DNLZ: variants seen among roughly 807,000 people sequenced by gnomAD.
The protein encoded by DNLZ is DNL-type zinc finger.
A neutral mutation model predicts 7.8 loss-of-function variants in DNLZ; 15 were observed. The ratio of observed to expected loss-of-function variants is 1.91; its 90% CI spans 1.28 to 2.95. The LOEUF (loss-of-function observed/expected upper bound fraction) is 2.95. Among genes scored for constraint, DNLZ ranks in the 30% most tolerant of loss-of-function variants. DNLZ has a pLI of 0.00. For missense variants in DNLZ, 255 were observed against 167.3 expected (o/e 1.52, Z -2.89); for synonymous variants, 123 against 77.8 (o/e 1.58, Z -3.05).
Position 136,361,938 on chromosome 9 carries a change from C to T in DNLZ, c.*74G>A, listed in dbSNP as rs1412427308. ...GTCTGTTTATTGATAGAAAACAGGC[C>T]ACGTCCAGAGAGGCCCAGGGCCAAA... On this transcript the variant is annotated 3_prime_UTR_variant, in exon 3 of 3. Coordinates refer to ENST00000371738, the MANE Select transcript of DNLZ (RefSeq NM_001080849.3). The T allele has an allele frequency of 4.5e-6, 5 of 1,113,438 alleles. No homozygotes were observed. The East Asian group carries it at 9.6e-5, about 21-fold the overall frequency. The allele number at this position is 1,113,438 out of a possible 1,614,324, so 69.0% of individuals were successfully genotyped here.
Position 136,362,077 on chromosome 9 carries a change from T to C in DNLZ, c.472A>G (p.Thr158Ala), listed in dbSNP as rs1832989493. 1 of 1,446,052 alleles carries C rather than the reference T, an allele frequency of 6.9e-7. No homozygotes were observed. Among genetic ancestry groups the C allele is most frequent in the Non-Finnish European group, 9.1e-7 (1 of 1,093,760 alleles). The allele number at this position is 1,446,052 out of a possible 1,614,324, so 89.6% of individuals were successfully genotyped here. A position where few individuals can be genotyped will look rare whatever the true frequency, so the allele number is the denominator to read the frequency against. Residue 158 changes from threonine (T) to alanine (A), a missense_variant, in exon 3 of 3, where the codon ACT (threonine) becomes GCT (alanine). Transcript: ENST00000371738. ...TCCTCACCCGCTTCCGGAGCTGCAG[T>C]GGATGTGGGGGCCCCTGCAGCCTCC... The part of the protein sequence containing the change: ...VLEAAGAPTS[T>A]AAPEAGEDEG...
In DNLZ at chr9:136,363,060, G is replaced by T. The variant is rs145144911; in HGVS notation, c.297C>A (p.Thr99=). ...LAYHQGVVIV[T]CPGCQNHHII... ...TATGGTGGTTCTGGCAGCCGGGGCAGGTCACAATGACCACGCCTTGGTGAT... is the reference window on the plus strand; with the variant it reads ...TATGGTGGTTCTGGCAGCCGGGGCATGTCACAATGACCACGCCTTGGTGAT... Residue 99 remains threonine, a synonymous_variant, in exon 2 of 3, where the codon ACC becomes ACA. Transcript: ENST00000371738. 104 of 1,613,668 alleles carry T rather than the reference G, an allele frequency of 6.4e-5. No individual in the cohort carries two copies. The highest frequency in any genetic ancestry group is 8.3e-5 in the Non-Finnish European group (98 of 1,179,990).
Position 136,361,678 on chromosome 9 carries a change from A to G in DNLZ, c.*334T>C, listed in dbSNP as rs61535877. ...GCTCACAGGGGTGGTGACCTGCTCA[A>G]AGTCACGCAGCGACAGCCAGGAAGG... On this transcript the variant is annotated 3_prime_UTR_variant, in exon 3 of 3. Coordinates refer to ENST00000371738, the MANE Select transcript of DNLZ (RefSeq NM_001080849.3). The G allele has an allele frequency of 0.014, 3,514 of 251,926 alleles. 110 individuals carry two copies. The highest frequency in any genetic ancestry group is 0.069 in the African/African-American group (3,123 of 45,320). 15.6% of individuals were successfully genotyped at this position (251,926 alleles called of 1,614,324 possible).
In DNLZ at chr9:136,362,136, C is replaced by T. The variant is rs893192726; in HGVS notation, c.413G>A (p.Arg138His). ...TTCCAGGGCCCCCTCGCCCGCCACA[C>T]GGTGCACCTGCTCGCCTCTGGCCGT... is the stretch of plus-strand genomic sequence containing the variant. ...ILTARGEQVH[R>H]VAGEGALELV... The change falls in exon 3 of 3, where the codon CGT (arginine) becomes CAT (histidine). Residue 138 changes from arginine (R) to histidine (H), a missense_variant. Arg to His is a conservative substitution (Grantham distance 29, BLOSUM62 0). Transcript: ENST00000371738. 5 of 1,504,180 alleles carry T rather than the reference C, an allele frequency of 3.3e-6. No homozygotes were observed. The highest frequency in any genetic ancestry group is 2.5e-5 in the Admixed American group (1 of 39,868). The allele number at this position is 1,504,180 out of a possible 1,614,324, so 93.2% of individuals were successfully genotyped here.
chr9:136,361,915 CTGTT>C lies in DNLZ; in HGVS notation c.*93_*96del, dbSNP rs1832986447. The C allele has an allele frequency of 1.1e-6, 1 of 935,342 alleles. No homozygotes were observed. The highest frequency in any genetic ancestry group is 4.3e-5 in the Admixed American group (1 of 23,370). 57.9% of individuals were successfully genotyped at this position (935,342 alleles called of 1,614,324 possible). The stretch of plus-strand genomic sequence containing the variant: ...AGGCCCCAGCATCTGGAAGTAATGT[CTGTT>C]TATTGATAGAAAACAGGCCACGTCC... On this transcript the variant is annotated 3_prime_UTR_variant, in exon 3 of 3. Coordinates refer to ENST00000371738, the MANE Select transcript of DNLZ (RefSeq NM_001080849.3).
Position 136,363,013 on chromosome 9 carries a change from C to A in DNLZ, c.344G>T (p.Trp115Leu). The A allele has an allele frequency of 6.2e-7, 1 of 1,613,814 alleles. No individual in the cohort carries two copies. Among genetic ancestry groups the A allele is most frequent in the Non-Finnish European group, 8.5e-7 (1 of 1,179,994 alleles). ...CCTCTTCCCATTCAGGTCCGAGAAC[C>A]AGCCCAGGTTGTCAGCGATGATATG... is the stretch of plus-strand genomic sequence containing the variant. ...NHHIIADNLG[W>L]FSDLNGKRNI... The change falls in exon 2 of 3, where the codon TGG becomes TTG. Residue 115 changes from tryptophan to leucine, a missense_variant. By Grantham distance (61) the Trp-to-Leu change is moderately conservative. Transcript: ENST00000371738.
At position 136,361,320 on chromosome 9, in the gene DNLZ, T is replaced by A. The variant is rs1832976868; in HGVS notation, c.*692A>T. 1 of 152,182 alleles carries A rather than the reference T, an allele frequency of 6.6e-6. No homozygotes were observed. Among genetic ancestry groups the A allele is most frequent in the Non-Finnish European group, 1.5e-5 (1 of 68,024 alleles). The allele number at this position is 152,182 out of a possible 1,614,324, so 9.4% of individuals were successfully genotyped here. ...TTCTGCAAATAAACAGGCTGCTGTG[T>A]TTGCTCGCTTTCATAAACACGGGAA... On this transcript the variant is annotated 3_prime_UTR_variant, in exon 3 of 3. Transcript: ENST00000371738.
chr9:136,363,528 GC>G lies in DNLZ; in HGVS notation c.186del (p.Arg63AlafsTer36). 2.7e-6 allele frequency: 2 copies of G among 741,946 alleles called. No homozygotes were observed. Among genetic ancestry groups the G allele is most frequent in the Non-Finnish European group, 4.9e-6 (2 of 407,598 alleles). The allele number at this position is 741,946 out of a possible 1,614,324, so 46.0% of individuals were successfully genotyped here. On this transcript the variant is annotated frameshift_variant, in exon 1 of 3. Coordinates refer to ENST00000371738, the MANE Select transcript of DNLZ (RefSeq NM_001080849.3). LOFTEE classifies it high-confidence loss of function. ...AGCTGGTAGTGCGCCGCCTCCACGC[GC>G]CCCAGAGCCGCCGCGGGCCCCGGCC... is the stretch of plus-strand genomic sequence containing the variant. ...EQGPGPAAAL[G>X]RVEAAHYQLV...
rs529071629 is a variant in DNLZ, at chr9:136,361,623, G to A, written c.*389C>T. 2.2e-4 allele frequency: 39 copies of A among 178,462 alleles called. No homozygotes were observed. In the South Asian group the frequency reaches 5.1e-3, roughly 23 times the overall value. 11.1% of individuals were successfully genotyped at this position (178,462 alleles called of 1,614,324 possible). ...GAGGCCGCCAGAGCTGGCCAGGGGGGCGGCAAGGGCCTTGCAGAGGAAGGC... is the reference window on the plus strand; with the variant it reads ...GAGGCCGCCAGAGCTGGCCAGGGGGACGGCAAGGGCCTTGCAGAGGAAGGC... On this transcript the variant is annotated 3_prime_UTR_variant, in exon 3 of 3. Coordinates refer to ENST00000371738, the MANE Select transcript of DNLZ (RefSeq NM_001080849.3).
rs1450090303 is a variant in DNLZ at position 136,361,388 on chromosome 9, C to T, written c.*624G>A. ...AGGCTGGGAGACAAACCCCACACAC[C>T]TCGGAGGGCCCTGGGGACGTCCAGA... On this transcript the variant is annotated 3_prime_UTR_variant, in exon 3 of 3. Transcript: ENST00000371738. 1 of 152,314 alleles carries T rather than the reference C, an allele frequency of 6.6e-6. No individual in the cohort carries two copies. The highest frequency in any genetic ancestry group is 1.5e-5 in the Non-Finnish European group (1 of 68,090). 9.4% of individuals were successfully genotyped at this position (152,314 alleles called of 1,614,324 possible). A position where few individuals can be genotyped will look rare whatever the true frequency, so the allele number is the denominator to read the frequency against.
rs928316366 is a variant in DNLZ, at chr9:136,361,896, C to T, written c.*116G>A. 1.1e-5 allele frequency: 9 copies of T among 790,424 alleles called. No homozygotes were observed. The African/African-American group carries it at 1.4e-4, about 12-fold the overall frequency. The allele number at this position is 790,424 out of a possible 1,614,324, so 49.0% of individuals were successfully genotyped here. ...GAAAGGCCACGAGGGCCACAGGCCCCAGCATCTGGAAGTAATGTCTGTTTA... is the reference window on the plus strand; with the variant it reads ...GAAAGGCCACGAGGGCCACAGGCCCTAGCATCTGGAAGTAATGTCTGTTTA... On this transcript the variant is annotated 3_prime_UTR_variant, in exon 3 of 3. Coordinates refer to ENST00000371738, the MANE Select transcript of DNLZ (RefSeq NM_001080849.3).
chr9:136,363,304 G>C (rs1833018433), intron 1 of DNLZ, 176 bp from the exon 2 acceptor site: 4 of 715,906 alleles, frequency 5.6e-6, no homozygotes, highest in Non-Finnish European at 9.5e-6. Flanking sequence ...CCCGCCCCAG[G>C]GACGGCTCCA....
chr9:136,362,467 A>G (rs1160465148), intron 2 of DNLZ, among the ~76,000 whole-genome samples: 1 of 152,182 alleles, frequency 6.6e-6, no homozygotes, highest in Non-Finnish European at 1.5e-5. Context: ...TCCCAGCTCC[A>G]AGGGCCAGGT....
rs1833007510 is a variant in DNLZ at position 136,362,897 on chromosome 9, C to G, written c.368+92G>C. On this transcript the variant is annotated intron_variant, in intron 2 of 2. Transcript: ENST00000371738. The stretch of plus-strand genomic sequence containing the variant: ...GGTGGCTGGATTTCCCAGGTGAGAT[C>G]TATAAACCTCAACACTAGGGCAAGG... The G allele has an allele frequency of 3.3e-6, 4 of 1,218,884 alleles. No homozygotes were observed. In the South Asian group the frequency reaches 5.2e-5, roughly 16 times the overall value. The allele number at this position is 1,218,884 out of a possible 1,614,324, so 75.5% of individuals were successfully genotyped here.
At position 136,360,575 on chromosome 9, in the gene DNLZ, G is replaced by C; in HGVS notation, c.*1437C>G. 1 of 152,182 alleles carries C rather than the reference G, an allele frequency of 6.6e-6. No individual in the cohort carries two copies. Among genetic ancestry groups the C allele is most frequent in the Non-Finnish European group, 1.5e-5 (1 of 68,066 alleles). 9.4% of individuals were successfully genotyped at this position (152,182 alleles called of 1,614,324 possible). A position where few individuals can be genotyped will look rare whatever the true frequency, so the allele number is the denominator to read the frequency against. On this transcript the variant is annotated 3_prime_UTR_variant, in exon 3 of 3. Coordinates refer to ENST00000371738, the MANE Select transcript of DNLZ (RefSeq NM_001080849.3). ...GGAGGGAAGGGCGGAGGGAGACAGGGTCCAGGGGGCCTCAGGCAGGAGCTG... is the reference window on the plus strand; with the variant it reads ...GGAGGGAAGGGCGGAGGGAGACAGGCTCCAGGGGGCCTCAGGCAGGAGCTG...
rs770091036 is a variant in DNLZ, at chr9:136,362,067, G to T, written c.482C>A (p.Pro161Gln). ...GGGACCCTCATCCTCACCCGCTTCCGGAGCTGCAGTGGATGTGGGGGCCCC... is the reference window on the plus strand; with the variant it reads ...GGGACCCTCATCCTCACCCGCTTCCTGAGCTGCAGTGGATGTGGGGGCCCC... ...AAGAPTSTAA[P>Q]EAGEDEGPPS... Residue 161 changes from proline to glutamine, a missense_variant, in exon 3 of 3, where the codon CCG becomes CAG. By Grantham distance (76) the Pro-to-Gln change is moderately conservative. Coordinates refer to ENST00000371738, the MANE Select transcript of DNLZ (RefSeq NM_001080849.3). The T allele has an allele frequency of 7.0e-7, 1 of 1,430,856 alleles. No individual in the cohort carries two copies. Among genetic ancestry groups the T allele is most frequent in the Non-Finnish European group, 9.2e-7 (1 of 1,084,438 alleles). The allele number at this position is 1,430,856 out of a possible 1,614,324, so 88.6% of individuals were successfully genotyped here.
Position 136,362,078 on chromosome 9 carries a change from G to T in DNLZ, c.471C>A (p.Ser157=). Residue 157 remains serine (S), a synonymous_variant, in exon 3 of 3, where the codon TCC becomes TCA. Transcript: ENST00000371738. ...LVLEAAGAPT[S]TAAPEAGEDE... ...CCTCACCCGCTTCCGGAGCTGCAGT[G>T]GATGTGGGGGCCCCTGCAGCCTCCA... 6.9e-7 allele frequency: 1 copy of T among 1,452,840 alleles called. No individual in the cohort carries two copies. Among genetic ancestry groups the T allele is most frequent in the Non-Finnish European group, 9.1e-7 (1 of 1,098,192 alleles). The allele number at this position is 1,452,840 out of a possible 1,614,324, so 90.0% of individuals were successfully genotyped here. A position where few individuals can be genotyped will look rare whatever the true frequency, so the allele number is the denominator to read the frequency against.
At position 136,363,664 on chromosome 9, in the gene DNLZ, C is replaced by A. The variant is rs1483557561; in HGVS notation, c.51G>T (p.Gln17His). Residue 17 changes from glutamine to histidine, a missense_variant, in exon 1 of 3, where the codon CAG becomes CAT. Coordinates refer to ENST00000371738, the MANE Select transcript of DNLZ (RefSeq NM_001080849.3). Reference protein sequence around the residue: ...RGAPRLLSRVQPRAPCLRRLW... With the variant: ...RGAPRLLSRVHPRAPCLRRLW... Reference sequence around the variant, plus strand: ...GCCGCCTCAGGCAGGGCGCCCGGGGCTGCACGCGACTCAGCAACCTCGGCG... The same window carrying A: ...GCCGCCTCAGGCAGGGCGCCCGGGGATGCACGCGACTCAGCAACCTCGGCG... 4.7e-6 allele frequency: 2 copies of A among 425,946 alleles called. No homozygotes were observed. The highest frequency in any genetic ancestry group is 8.9e-5 in the Admixed American group (2 of 22,382). The allele number at this position is 425,946 out of a possible 1,614,324, so 26.4% of individuals were successfully genotyped here. A position where few individuals can be genotyped will look rare whatever the true frequency, so the allele number is the denominator to read the frequency against.
rs774630771 is a variant in DNLZ, at chr9:136,362,143, C to A, written c.406G>T (p.Val136Leu). The A allele has an allele frequency of 1.0e-5, 15 of 1,503,244 alleles. No individual in the cohort carries two copies. The highest frequency in any genetic ancestry group is 2.7e-5 in the East Asian group (1 of 37,292). 93.1% of individuals were successfully genotyped at this position (1,503,244 alleles called of 1,614,324 possible). ...EEILTARGEQ[V>L]HRVAGEGALE... ...GCCCCCTCGCCCGCCACACGGTGCACCTGCTCGCCTCTGGCCGTCAGGATC... is the reference window on the plus strand; with the variant it reads ...GCCCCCTCGCCCGCCACACGGTGCAACTGCTCGCCTCTGGCCGTCAGGATC... The change falls in exon 3 of 3, where the codon GTG (valine) becomes TTG (leucine). Residue 136 changes from valine to leucine, a missense_variant. Physicochemically the swap from Val to Leu is conservative, Grantham distance 32. Coordinates refer to ENST00000371738, the MANE Select transcript of DNLZ (RefSeq NM_001080849.3).
Sources: gnomAD v4.1 joint callset for allele counts (sites outside exome capture counted in the v4.1 genomes callset) on GRCh38, gnomAD v4.1.1 for gene constraint, MANE v1.5 for transcripts, NCBI Gene and HGNC (gene_info 2026-07-23, HGNC 2026-07-21) for gene names.